Variants in NEMP2 observed in about 807,000 individuals in gnomAD.
The protein encoded by NEMP2 is nuclear envelope integral membrane protein 2.
NEMP2 carries 53 observed loss-of-function variants against 54.2 expected under a neutral mutation model. The observed-to-expected ratio is 0.98, with a 90% confidence interval of 0.78 to 1.23. The LOEUF is 1.23. Among genes scored for constraint, NEMP2 ranks in the 50% most tolerant of loss-of-function variants. The pLI, the probability that NEMP2 is intolerant of heterozygous loss-of-function variation, is 0.00. For synonymous variants in NEMP2, 197 were observed against 190.3 expected (o/e 1.04, Z -0.29); for missense variants, 455 against 511.3 (o/e 0.89, Z 1.06).
chr2:190,524,217 C>CA (rs1690852285), intron 2 of NEMP2, among the ~76,000 whole-genome samples: 3 of 150,266 alleles, frequency 2.0e-5, no homozygotes, highest in African/African-American at 2.4e-5. Context: ...GTCCCAGTCT[C>CA]AAAAAAAACA....
chr2:190,436,940 C>T, the NEMP2 span: 4 of 1,614,118 alleles, frequency 2.5e-6, no homozygotes, highest in Non-Finnish European at 3.4e-6. This position sits in a 1 kb window ranked among gnomAD's most constrained non-coding sequence, Gnocchi z 5.3. Flanking sequence ...TTCAGTGCCT[C>T]TTCTGTCACA....
the NEMP2 span, among the ~76,000 whole-genome samples, chr2:190,438,758 A>C: frequency 6.6e-6 from 1 of 152,254 alleles, no homozygotes; most frequent in Non-Finnish European, 1.5e-5. This position sits in a 1 kb window ranked among gnomAD's most constrained non-coding sequence, Gnocchi z 5.2. Context: ...TATTTCTATA[A>C]GAAATTAAAG....
the NEMP2 span, among the ~76,000 whole-genome samples, chr2:190,640,638 T>A: frequency 6.6e-6 from 1 of 152,160 alleles, no homozygotes; most frequent in Non-Finnish European, 1.5e-5. Flanking sequence ...GGAACTATGT[T>A]TATCTGTATT....
rs1222490613 is a variant in NEMP2 at position 190,508,991 on chromosome 2, T to G, written c.*198A>C. 1.3e-6 allele frequency: 1 copy of G among 741,300 alleles called. No individual in the cohort carries two copies. The highest frequency in any genetic ancestry group is 2.1e-6 in the Non-Finnish European group (1 of 476,020). 45.9% of individuals were successfully genotyped at this position (741,300 alleles called of 1,614,324 possible). A position where few individuals can be genotyped will look rare whatever the true frequency, so the allele number is the denominator to read the frequency against. On this transcript the variant is annotated 3_prime_UTR_variant, in exon 9 of 9. Transcript: ENST00000409150. This position sits in a 1 kb window ranked among gnomAD's most constrained non-coding sequence, Gnocchi z 4.3. Reference sequence around the variant, plus strand: ...ACAGAATTTTGGTATCCACCTACAGTACAATAAGTAGCAGAAGTCACCAAG... The same window carrying G: ...ACAGAATTTTGGTATCCACCTACAGGACAATAAGTAGCAGAAGTCACCAAG...
At chr2:190,550,093 A>C in the NEMP2 span, among the ~76,000 whole-genome samples, 16 of 152,312 alleles carry the variant, frequency 1.1e-4, no homozygotes, top group African/African-American at 3.6e-4. This position sits in a 1 kb window ranked among gnomAD's most constrained non-coding sequence, Gnocchi z 4.7. Flanking sequence ...TCTTTTCCCC[A>C]TATCAAGATT....
chr2:190,556,677 C>G, the NEMP2 span, among the ~76,000 whole-genome samples: 1 of 152,148 alleles, frequency 6.6e-6, no homozygotes, highest in Non-Finnish European at 1.5e-5. Context: ...CATTCCTATA[C>G]ACCAATAGCA....
the NEMP2 span, chr2:190,628,352 T>A: frequency 6.6e-6 from 1 of 152,106 alleles, no homozygotes; most frequent in African/African-American, 2.4e-5. This position sits in a 1 kb window ranked among gnomAD's most constrained non-coding sequence, Gnocchi z 4.1. Flanking sequence ...AGGGGTCTGA[T>A]GGAGGACGCC....
the NEMP2 span, among the ~76,000 whole-genome samples, chr2:190,570,649 GA>G: frequency 6.6e-6 from 1 of 152,190 alleles, no homozygotes; most frequent in African/African-American, 2.4e-5. The surrounding 1 kb of genome is among the most constrained non-coding windows in gnomAD (Gnocchi z 5.4). Flanking sequence ...TTCCAGGGGG[GA>G]ATTCCCAGAA....
intron 1 of NEMP2, among the ~76,000 whole-genome samples, chr2:190,532,439 C>G (rs1691177914): frequency 6.6e-6 from 1 of 152,194 alleles, no homozygotes; most frequent in Non-Finnish European, 1.5e-5. Context: ...TGGAAAGCCA[C>G]TGACAGGGCC....
chr2:190,546,557 CT>C, the NEMP2 span, among the ~76,000 whole-genome samples: 4 of 152,148 alleles, frequency 2.6e-5, no homozygotes, highest in Non-Finnish European at 5.9e-5. This position sits in a 1 kb window ranked among gnomAD's most constrained non-coding sequence, Gnocchi z 5.1. Context: ...TAAAGTCCAT[CT>C]ACCTGAAATT....
At chr2:190,634,477 GTAGC>G in the NEMP2 span, among the ~76,000 whole-genome samples, 1 of 152,194 alleles carries the variant, frequency 6.6e-6, no homozygotes, top group Admixed American at 6.5e-5. The surrounding 1 kb of genome is among the most constrained non-coding windows in gnomAD (Gnocchi z 6.8). Context: ...ATTGAAGCAA[GTAGC>G]TTATGAAACA....
At chr2:190,475,020 C>T in the NEMP2 span, among the ~76,000 whole-genome samples, 2 of 152,312 alleles carry the variant, frequency 1.3e-5, no homozygotes, top group South Asian at 4.2e-4. Context: ...AACAACCCTT[C>T]ATGCTAAAAA....
At chr2:190,479,498 C>T in the NEMP2 span, among the ~76,000 whole-genome samples, 1 of 152,082 alleles carries the variant, frequency 6.6e-6, no homozygotes, top group Non-Finnish European at 1.5e-5. Context: ...GAATTTTCTC[C>T]TTTTGTTTTG....
the NEMP2 span, among the ~76,000 whole-genome samples, chr2:190,589,743 C>T: frequency 6.6e-6 from 1 of 152,180 alleles, no homozygotes; most frequent in Admixed American, 6.6e-5. The surrounding 1 kb of genome is among the most constrained non-coding windows in gnomAD (Gnocchi z 4.3). Flanking sequence ...TCAAGCTGTT[C>T]TCATGGCTCT....
intron 2 of NEMP2, among the ~76,000 whole-genome samples, chr2:190,524,228 G>A (rs1223335671): frequency 6.6e-6 from 1 of 151,496 alleles, no homozygotes; most frequent in African/African-American, 2.4e-5. Context: ...AAAAAAAACA[G>A]GACAGATATA....
the NEMP2 span, among the ~76,000 whole-genome samples, chr2:190,600,020 CCT>C: frequency 6.6e-6 from 1 of 152,148 alleles, no homozygotes; most frequent in Non-Finnish European, 1.5e-5. The surrounding 1 kb of genome is among the most constrained non-coding windows in gnomAD (Gnocchi z 4.9). Context: ...CCTAGCTGCC[CCT>C]GTGTGTGTCA....
Position 190,513,307 on chromosome 2 carries a change from C to A in NEMP2, c.953+1146G>T, listed in dbSNP as rs933190575. ...ATTTCCAATTTTTCTAGAAAACCAG[C>A]AGATCTGGCAATACAGGACTCATAT... On this transcript the variant is annotated intron_variant, in intron 7 of 8. Coordinates refer to ENST00000409150, the MANE Select transcript of NEMP2 (RefSeq NM_001142645.2). This position sits in a 1 kb window ranked among gnomAD's most constrained non-coding sequence, Gnocchi z 5.3. Among the ~76,000 whole-genome samples the A allele has an allele frequency of 1.4e-4, 21 of 152,192 alleles. No homozygotes were observed. The highest frequency in any genetic ancestry group is 5.1e-4 in the African/African-American group (21 of 41,446).
the NEMP2 span, among the ~76,000 whole-genome samples, chr2:190,483,313 T>C: frequency 3.6e-4 from 55 of 152,194 alleles, no homozygotes; most frequent in Non-Finnish European, 7.3e-4. Context: ...GAACATATAG[T>C]GTAATATTTA....
chr2:190,589,730 A>T, the NEMP2 span, among the ~76,000 whole-genome samples: 2 of 152,204 alleles, frequency 1.3e-5, no homozygotes, highest in Admixed American at 6.5e-5. The surrounding 1 kb of genome is among the most constrained non-coding windows in gnomAD (Gnocchi z 4.3). Context: ...CCATGGACAG[A>T]ACTCAAGCTG....
Sources: allele counts gnomAD v4.1 joint callset (sites outside exome capture counted in the v4.1 genomes callset), GRCh38; gene constraint gnomAD v4.1.1; non-coding constraint Gnocchi (gnomAD v3.1); transcripts MANE v1.5; gene names NCBI Gene and HGNC (gene_info 2026-07-23, HGNC 2026-07-21).